Variants in SOX6 observed in about 807,000 individuals in gnomAD.
SOX6 encodes the protein transcription factor SOX-6.
In SOX6, 11 loss-of-function variants were observed where a neutral mutation model predicts 97.8. The observed-to-expected ratio is 0.11, with a 90% confidence interval of 0.07 to 0.19. The LOEUF (loss-of-function observed/expected upper bound fraction) is 0.19, where lower values mean the gene tolerates loss of function less well. SOX6 is among the 10% of genes least tolerant of loss of function. SOX6 has a pLI of 1.00. For synonymous variants in SOX6, 360 were observed against 371.4 expected, an observed-to-expected ratio of 0.97 and a Z score of 0.35; for missense variants, 810 against 1,039.5, an observed-to-expected ratio of 0.78 and a Z score of 3.04.
chr11:16,088,305 A>G (rs1357890044), intron 9 of SOX6, among the ~76,000 whole-genome samples: 1 of 152,138 alleles, frequency 6.6e-6, no homozygotes, highest in Non-Finnish European at 1.5e-5. Context: ...ATAATCACCT[A>G]AAGTCCAGAG....
At chr11:16,733,287 T>C (rs1456327505) in intron 2 of SOX6, among the ~76,000 whole-genome samples, 3 of 152,228 alleles carry the variant, frequency 2.0e-5, no homozygotes, top group Admixed American at 1.3e-4. Flanking sequence ...TGTATGTTTA[T>C]TGGAGCACTG....
chr11:16,600,931 C>T (rs1848260990), intron 4 of SOX6, among the ~76,000 whole-genome samples: 1 of 152,106 alleles, frequency 6.6e-6, no homozygotes, highest in African/African-American at 2.4e-5. Context: ...TTTTCCTACA[C>T]TATATAGGAG....
intron 4 of SOX6, among the ~76,000 whole-genome samples, chr11:16,483,665 T>A (rs960003767): frequency 4.2e-5 from 6 of 142,934 alleles, no homozygotes; most frequent in Non-Finnish European, 9.2e-5. Flanking sequence ...TATACTACAT[T>A]TGCAATGAAA....
intron 4 of SOX6, among the ~76,000 whole-genome samples, chr11:16,205,324 T>G (rs1265815289): frequency 6.6e-6 from 1 of 152,092 alleles, no homozygotes; most frequent in Non-Finnish European, 1.5e-5. Flanking sequence ...TTTGAAAGAC[T>G]TCAATGCCCA....
At chr11:16,043,925 C>T (rs566469482) in intron 12 of SOX6, among the ~76,000 whole-genome samples, 51 of 152,122 alleles carry the variant, frequency 3.4e-4, no homozygotes, top group Admixed American at 4.6e-4. Context: ...AGCTCACACT[C>T]TCACCCCAAC....
rs576401031 is a variant in SOX6, at chr11:16,734,314, A to G, written n.353+2025T>C. ...TTCAAGATTCTGTGTTAGACCCTAG[A>G]GTTGCATTTATATTATGCCTTTAAA... On this transcript the variant is annotated intron_variant and non_coding_transcript_variant, in intron 2 of 5. Transcript: ENST00000524520. 3.9e-5 allele frequency among the ~76,000 whole-genome samples: 6 copies of G among 152,306 alleles called. No individual in the cohort carries two copies. In the East Asian group the frequency reaches 1.2e-3, roughly 29 times the overall value.
chr11:16,021,297 A>G lies in SOX6; in HGVS notation c.1624-6247T>C, dbSNP rs569107317. Among the ~76,000 whole-genome samples, 5 of 152,268 alleles carry G rather than the reference A, an allele frequency of 3.3e-5. No homozygotes were observed. In the South Asian group the frequency reaches 1.0e-3, roughly 32 times the overall value. ...AATGCTAAGAGATATTCTGTCTCTT[A>G]CTCTGAATGACTTTCTTTAATTCCT... On this transcript the variant is annotated intron_variant, in intron 12 of 15. Transcript: ENST00000683767.
intron 3 of SOX6, among the ~76,000 whole-genome samples, chr11:16,623,409 GA>G (rs1292556889): frequency 6.9e-6 from 1 of 144,928 alleles, no homozygotes; most frequent in Non-Finnish European, 1.5e-5. Context: ...TTTTTTATGG[GA>G]TTTTTTTTTC....
chr11:16,442,190 T>A (rs928719452), intron 1 of SOX6, among the ~76,000 whole-genome samples: 1 of 152,226 alleles, frequency 6.6e-6, no homozygotes, highest in Non-Finnish European at 1.5e-5. Flanking sequence ...ATTTACTTGG[T>A]GGAAAACTTT....
intron 1 of SOX6, among the ~76,000 whole-genome samples, chr11:16,453,618 A>G (rs1385160461): frequency 1.3e-5 from 2 of 152,146 alleles, no homozygotes; most frequent in African/African-American, 2.4e-5. Flanking sequence ...TTAAACTCTT[A>G]CCCTTTCCTA....
At chr11:16,361,170 T>C (rs1857203352), upstream of SOX6, among the ~76,000 whole-genome samples, 1 of 152,080 alleles carries the variant, frequency 6.6e-6, no homozygotes, top group Admixed American at 6.6e-5. Flanking sequence ...AAATCAAAAA[T>C]GTTAAGTGAC....
At chr11:16,422,889 C>T (rs1412015258) in intron 1 of SOX6, among the ~76,000 whole-genome samples, 2 of 152,172 alleles carry the variant, frequency 1.3e-5, no homozygotes, top group Non-Finnish European at 2.9e-5. Flanking sequence ...AAGCCATCAT[C>T]ATCTCTCATA....
chr11:16,322,615 T>A (rs1855961979), intron 2 of SOX6, among the ~76,000 whole-genome samples: 1 of 152,266 alleles, frequency 6.6e-6, no homozygotes, highest in Non-Finnish European at 1.5e-5. Flanking sequence ...AGACAATATT[T>A]CCCTAAAGTA....
chr11:16,119,852 T>TA (rs1849445316), intron 6 of SOX6, among the ~76,000 whole-genome samples: 1 of 152,192 alleles, frequency 6.6e-6, no homozygotes, highest in African/African-American at 2.4e-5. Context: ...CTGCTACAGC[T>TA]AATGTAATAT....
intron 11 of SOX6, among the ~76,000 whole-genome samples, chr11:16,047,752 C>T (rs1396639945): frequency 6.6e-6 from 1 of 150,534 alleles, no homozygotes; most frequent in Non-Finnish European, 1.5e-5. Context: ...GTGTATACAC[C>T]TCACATAGGC....
At chr11:16,696,072 GTTGTAGT>G (rs1397904188) in intron 3 of SOX6, among the ~76,000 whole-genome samples, 1 of 152,180 alleles carries the variant, frequency 6.6e-6, no homozygotes, top group Non-Finnish European at 1.5e-5. Flanking sequence ...AAGCCATTTA[GTTGTAGT>G]TTACTTAATA....
chr11:16,107,997 T>C (rs1186855322), intron 7 of SOX6, among the ~76,000 whole-genome samples: 1 of 152,126 alleles, frequency 6.6e-6, no homozygotes, highest in Non-Finnish European at 1.5e-5. Flanking sequence ...TGCTTTATCA[T>C]TTTCAGAGAA....
chr11:15,971,534 A>C lies in SOX6; in HGVS notation c.*1275T>G, dbSNP rs954906970. 1.2e-4 allele frequency: 19 copies of C among 152,670 alleles called. No individual in the cohort carries two copies. The highest frequency in any genetic ancestry group is 4.3e-4 in the African/African-American group (18 of 41,468). The allele number at this position is 152,670 out of a possible 1,614,324, so 9.5% of individuals were successfully genotyped here. The stretch of plus-strand genomic sequence containing the variant: ...CCACTTGTGAACTGAATTAGGGGAA[A>C]ATTCTGGCAAAAGACTTGAGGTCAC... On this transcript the variant is annotated 3_prime_UTR_variant, in exon 16 of 16. Transcript: ENST00000683767.
chr11:16,570,681 T>G (rs1009391100), intron 4 of SOX6, among the ~76,000 whole-genome samples: 1 of 152,228 alleles, frequency 6.6e-6, no homozygotes, highest in African/African-American at 2.4e-5. Context: ...TCAAATTAGT[T>G]AAAGTACTGA....
Sources: allele counts gnomAD v4.1 joint callset (sites outside exome capture counted in the v4.1 genomes callset), GRCh38; gene constraint gnomAD v4.1.1; transcripts MANE v1.5; gene names NCBI Gene and HGNC (gene_info 2026-07-23, HGNC 2026-07-21).